The following DDX50 variants were observed in gnomAD, a reference collection of about 807,000 sequenced individuals.
DDX50 encodes DExD-box helicase 50.
A neutral mutation model predicts 94.8 loss-of-function variants in DDX50; 56 were observed. That is an observed-to-expected ratio of 0.59 (90% confidence interval 0.48 to 0.74). The LOEUF is 0.74. Ranked by LOEUF, DDX50 falls within the 30% of genes least tolerant of loss-of-function variation. The pLI is 0.00. For missense variants in DDX50, 713 were observed against 881.2 expected, an observed-to-expected ratio of 0.81 and a Z score of 2.42; for synonymous variants, 264 against 295.4, an observed-to-expected ratio of 0.89 and a Z score of 1.09.
intron 11 of DDX50, 25 bp from the exon 12 acceptor site, chr10:68,936,911 C>G: frequency 1.3e-6 from 2 of 1,549,944 alleles, no homozygotes; most frequent in Middle Eastern, 2.4e-4. Context: ...ATGTCTTGAC[C>G]AAGAATACTA....
intron 7 of DDX50, among the ~76,000 whole-genome samples, chr10:68,916,977 C>T (rs1057362454): frequency 3.3e-5 from 5 of 152,080 alleles, no homozygotes; most frequent in Non-Finnish European, 5.9e-5. Flanking sequence ...TGAGCCACTG[C>T]GCCTGGCATA....
intron 1 of DDX50, chr10:68,906,176 G>C (rs1841438749): frequency 6.6e-6 from 1 of 152,624 alleles, no homozygotes; most frequent in African/African-American, 2.4e-5. Context: ...AATGAGTTCA[G>C]GTAAGGTTTT....
At position 68,941,934 on chromosome 10, in the gene DDX50, C is replaced by T. The variant is rs1311412379; in HGVS notation, c.1890+740C>T. Among the ~76,000 whole-genome samples, 3 of 152,222 alleles carry T rather than the reference C, an allele frequency of 2.0e-5. No individual in the cohort carries two copies. The Middle Eastern group carries it at 0.01, about 518-fold the overall frequency. ...GGATTACAGGCGTGAGCCACCATAC[C>T]CTGTCCATGTTATTATTATTGTGAT... On this transcript the variant is annotated intron_variant, in intron 13 of 14. Coordinates refer to ENST00000373585, the MANE Select transcript of DDX50 (RefSeq NM_024045.2).
chr10:68,936,146 C>G, intron 11 of DDX50, 67 bp downstream of exon 11: 1 of 1,309,576 alleles, frequency 7.6e-7, no homozygotes, highest in Non-Finnish European at 1.1e-6. Context: ...TAAGCTCTCC[C>G]AGTTCAAATA....
At chr10:68,936,416 G>C (rs1589269864) in intron 11 of DDX50, among the ~76,000 whole-genome samples, 1 of 147,418 alleles carries the variant, frequency 6.8e-6, no homozygotes, top group Non-Finnish European at 1.5e-5. Flanking sequence ...GTGAACCTGG[G>C]GGGCGGAGCT....
At chr10:68,936,349 C>T (rs1429551848) in intron 11 of DDX50, among the ~76,000 whole-genome samples, 1 of 150,244 alleles carries the variant, frequency 6.7e-6, no homozygotes, top group Non-Finnish European at 1.5e-5. Context: ...ATTAGCCAGG[C>T]GTGGTGGTGG....
intron 1 of DDX50, among the ~76,000 whole-genome samples, chr10:68,902,190 CAAAAAAAAAA>C (rs35302047): frequency 4.7e-4 from 44 of 94,300 alleles, no homozygotes; most frequent in Middle Eastern, 6.4e-3. Flanking sequence ...CCCTGCCCTC[CAAAAAAAAAA>C]AAAAAAAAAA....
chr10:68,946,494 C>T lies in DDX50; in HGVS notation c.2078C>T (p.Ser693Leu), dbSNP rs770794389. Residue 693 changes from serine (S) to leucine (L), a missense_variant, in exon 15 of 15, where the codon TCA becomes TTA. Transcript: ENST00000373585. ...GGTCGATCAGGCCGGTCAGGCCGGTCAGGTGGTCGATCTGGCGGCCGGTCA... is the reference window on the plus strand; with the variant it reads ...GGTCGATCAGGCCGGTCAGGCCGGTTAGGTGGTCGATCTGGCGGCCGGTCA... ...SSGRSGRSGR[S>L]GGRSGGRSGR... 10 of 1,614,080 alleles carry T rather than the reference C, an allele frequency of 6.2e-6. No individual in the cohort carries two copies. The South Asian group carries it at 6.6e-5, about 11-fold the overall frequency.
At chr10:68,901,582 G>C in intron 1 of DDX50, 111 bp downstream of exon 1, 1 of 1,145,688 alleles carries the variant, frequency 8.7e-7, no homozygotes, top group African/African-American at 1.6e-5. Flanking sequence ...GCATCCGAGG[G>C]CCTCCCTTCG....
Position 68,914,027 on chromosome 10 carries a change from GA to G in DDX50, c.944-28del, listed in dbSNP as rs1421148458. On this transcript the variant is annotated intron_variant, in intron 6 of 14. Coordinates refer to ENST00000373585, the MANE Select transcript of DDX50 (RefSeq NM_024045.2). ...AGCGGGCTACATCGTGGGAAATTAA[GA>G]AAACATTTGAATTCTTTTTGTTTAT... The G allele has an allele frequency of 4.5e-6, 7 of 1,542,834 alleles. No individual in the cohort carries two copies. The Admixed American group carries it at 1.1e-4, about 25-fold the overall frequency.
At chr10:68,933,161 C>T (rs6480373) in intron 8 of DDX50, among the ~76,000 whole-genome samples, 9,037 of 151,740 alleles carry the variant, frequency 0.06, 877 homozygotes, top group African/African-American at 0.2. Flanking sequence ...CTCCACCTCC[C>T]GGGTTCAAGC....
chr10:68,909,374 T>G (rs1841559554), intron 2 of DDX50, among the ~76,000 whole-genome samples: 1 of 152,222 alleles, frequency 6.6e-6, no homozygotes, highest in Non-Finnish European at 1.5e-5. Context: ...TCATGGTAAC[T>G]TGTATATATG....
At position 68,906,758 on chromosome 10, in the gene DDX50, A is replaced by G; in HGVS notation, c.135A>G (p.Ser45=). The G allele has an allele frequency of 6.2e-7, 1 of 1,612,282 alleles. No homozygotes were observed. The highest frequency in any genetic ancestry group is 1.3e-5 in the African/African-American group (1 of 74,894). The part of the protein sequence containing the change: ...SRHHYDSDEK[S]ETRENGVTDD... ...ACCATTATGACTCGGATGAGAAATCAGAAACAAGAGAAAATGGTGTTACAG... is the reference window on the plus strand; with the variant it reads ...ACCATTATGACTCGGATGAGAAATCGGAAACAAGAGAAAATGGTGTTACAG... Residue 45 remains serine (S), a synonymous_variant, in exon 2 of 15, where the codon TCA becomes TCG. Transcript: ENST00000373585.
chr10:68,924,697 G>C (rs539743151), intron 8 of DDX50, among the ~76,000 whole-genome samples: 1 of 151,922 alleles, frequency 6.6e-6, no homozygotes, highest in Non-Finnish European at 1.5e-5. Flanking sequence ...TCTAGTTCTA[G>C]CTGTGTCTTT....
intron 10 of DDX50, 140 bp downstream of exon 10, chr10:68,935,058 C>G: frequency 9.5e-7 from 1 of 1,049,494 alleles, no homozygotes. Flanking sequence ...CTGTGGAGAT[C>G]TAAATTTATA....
rs758025208 is a variant in DDX50, at chr10:68,913,553, T to C, written c.920T>C (p.Ile307Thr). Residue 307 changes from isoleucine (I) to threonine (T), a missense_variant, in exon 6 of 15, where the codon ATT becomes ACT. Ile to Thr is a moderately conservative substitution (Grantham distance 89). Around this residue, in one of 2 missense-constraint regions of DDX50, gnomAD observed 428 missense variants for 602.3 expected, o/e 0.71. Coordinates refer to ENST00000373585, the MANE Select transcript of DDX50 (RefSeq NM_024045.2). ...GGTTTCGCTGAACAAGTTGAAGATA[T>C]TATTCATGAATCCTACAAAACTGGT... ...DLGFAEQVED[I>T]IHESYKTDSE... 8.7e-6 allele frequency: 14 copies of C among 1,613,130 alleles called. No individual in the cohort carries two copies. The highest frequency in any genetic ancestry group is 1.7e-5 in the Admixed American group (1 of 59,794).
At chr10:68,946,104 TTTAA>T (rs1297165121) in intron 14 of DDX50, among the ~76,000 whole-genome samples, 20 of 152,136 alleles carry the variant, frequency 1.3e-4, no homozygotes, top group African/African-American at 4.6e-4. Flanking sequence ...ATAGAATGTA[TTTAA>T]TTAGTACATG....
chr10:68,921,128 T>G (rs1276648220), intron 8 of DDX50, among the ~76,000 whole-genome samples: 1 of 151,898 alleles, frequency 6.6e-6, no homozygotes, highest in Non-Finnish European at 1.5e-5. Context: ...AAACCCTGGA[T>G]ATCATATTAT....
At position 68,902,925 on chromosome 10, in the gene DDX50, C is replaced by T. The variant is rs1417185335; in HGVS notation, c.87+1454C>T. Among the ~76,000 whole-genome samples the T allele has an allele frequency of 3.3e-5, 5 of 152,258 alleles. No individual in the cohort carries two copies. In the East Asian group the frequency reaches 7.7e-4, roughly 23 times the overall value. ...TCCTGTATGTATCCCACATATTTCCCAAAAGTTCTTGAGGAAAGTGACCAA... is the reference window on the plus strand; with the variant it reads ...TCCTGTATGTATCCCACATATTTCCTAAAAGTTCTTGAGGAAAGTGACCAA... On this transcript the variant is annotated intron_variant, in intron 1 of 14. Coordinates refer to ENST00000373585, the MANE Select transcript of DDX50 (RefSeq NM_024045.2).
Sources: gnomAD v4.1 joint callset for allele counts (sites outside exome capture counted in the v4.1 genomes callset) on GRCh38, gnomAD v4.1.1 for gene constraint, gnomAD v4.1.1 regional missense constraint, MANE v1.5 for transcripts, NCBI Gene and HGNC (gene_info 2026-07-23, HGNC 2026-07-21) for gene names.